The following MBD5 variants were observed in gnomAD, a reference collection of about 807,000 sequenced individuals.
MBD5 encodes methyl-CpG binding domain protein 5.
MBD5 carries 13 observed loss-of-function variants against 117.3 expected under a neutral mutation model. The ratio of observed to expected loss-of-function variants is 0.11; its 90% CI spans 0.07 to 0.18. MBD5 has a LOEUF of 0.18. Ranked by LOEUF, MBD5 falls within the 10% of genes least tolerant of loss-of-function variation. MBD5 has a pLI of 1.00. For missense variants in MBD5, 1,879 were observed against 2,093.8 expected (o/e 0.90, Z 2.00); for synonymous variants, 727 against 766.4 (o/e 0.95, Z 0.85).
chr2:148,349,149 T>C (rs1330756446), intron 4 of MBD5, among the ~76,000 whole-genome samples: 1 of 151,952 alleles, frequency 6.6e-6, no homozygotes, highest in Non-Finnish European at 1.5e-5. Context: ...AAGGTCTCAG[T>C]AGTTAAAAAG....
chr2:148,483,088 GTTTT>G lies in MBD5; in HGVS notation c.2519-12_2519-9del. On this transcript the variant is annotated intron_variant, in intron 8 of 13. Coordinates refer to ENST00000642680, the MANE Select transcript of MBD5 (RefSeq NM_001378120.1). ...TTCATGATTAATAACTGGGTTTTGT[GTTTT>G]TTTTTTTTTCATTTTAGGCGGTTCA... The G allele has an allele frequency of 7.5e-7, 1 of 1,340,460 alleles. No individual in the cohort carries two copies. The highest frequency in any genetic ancestry group is 1.0e-6 in the Non-Finnish European group (1 of 973,880). 83.0% of individuals were successfully genotyped at this position (1,340,460 alleles called of 1,614,324 possible).
intron 4 of MBD5, among the ~76,000 whole-genome samples, chr2:148,402,869 T>A (rs1194951041): frequency 6.6e-6 from 1 of 152,144 alleles, no homozygotes; most frequent in African/African-American, 2.4e-5. Flanking sequence ...TTGTTTTTTT[T>A]TTCTCTTAAG....
At chr2:148,464,762 G>A (rs1185488346) in intron 7 of MBD5, among the ~76,000 whole-genome samples, 1 of 147,782 alleles carries the variant, frequency 6.8e-6, no homozygotes, top group Admixed American at 6.8e-5. Flanking sequence ...AGTTTGAGAC[G>A]AGCTTAGACA....
chr2:148,196,611 A>G (rs7580733), intron 2 of MBD5, among the ~76,000 whole-genome samples: 46,913 of 152,062 alleles, frequency 0.31, 8,368 homozygotes, highest in East Asian at 0.46. Context: ...CAGCAATAAC[A>G]GTATGACTTA....
intron 1 of MBD5, among the ~76,000 whole-genome samples, chr2:148,122,307 T>C (rs1696788055): frequency 6.6e-6 from 1 of 152,192 alleles, no homozygotes; most frequent in African/African-American, 2.4e-5. Context: ...TATAAAAGTT[T>C]AGAAACAATA....
Position 148,077,082 on chromosome 2 carries a change from A to C in MBD5, c.-925+55398A>C, listed in dbSNP as rs151150528. The stretch of plus-strand genomic sequence containing the variant: ...AAATATTTACTGTCTAATCCTGCAC[A>C]GAAAAAAGTTTGCTGACATCTGTTC... On this transcript the variant is annotated intron_variant, in intron 1 of 13. Transcript: ENST00000642680. 2.1e-4 allele frequency among the ~76,000 whole-genome samples: 32 copies of C among 152,350 alleles called. No individual in the cohort carries two copies. In the East Asian group the frequency reaches 6.0e-3, roughly 28 times the overall value.
chr2:148,207,532 G>A (rs948115394), intron 2 of MBD5, among the ~76,000 whole-genome samples: 3 of 151,894 alleles, frequency 2.0e-5, no homozygotes, highest in Non-Finnish European at 4.4e-5. Flanking sequence ...TGTCCCCTCA[G>A]TCCATAACAG....
At chr2:148,133,800 G>A (rs1198053222) in intron 1 of MBD5, among the ~76,000 whole-genome samples, 3 of 151,950 alleles carry the variant, frequency 2.0e-5, no homozygotes, top group Non-Finnish European at 4.4e-5. Flanking sequence ...TCCAGCCTGG[G>A]CAACAAGAGC....
intron 2 of MBD5, among the ~76,000 whole-genome samples, chr2:148,187,944 A>G (rs1292309676): frequency 6.6e-6 from 1 of 152,248 alleles, no homozygotes; most frequent in Admixed American, 6.5e-5. Context: ...ACTGAAAAAT[A>G]AAAATGAATA....
chr2:148,100,965 T>C (rs1027446426), intron 1 of MBD5, among the ~76,000 whole-genome samples: 2 of 152,176 alleles, frequency 1.3e-5, no homozygotes, highest in African/African-American at 4.8e-5. Flanking sequence ...ACTTGCACAC[T>C]CCTCATTTCA....
chr2:148,208,025 A>G (rs556392185), intron 2 of MBD5, among the ~76,000 whole-genome samples: 2 of 152,260 alleles, frequency 1.3e-5, no homozygotes, highest in South Asian at 4.1e-4. Context: ...ACTGGACCCA[A>G]ATCCAGTGGG....
intron 8 of MBD5, among the ~76,000 whole-genome samples, chr2:148,473,265 G>C (rs1297339307): frequency 6.6e-6 from 1 of 152,084 alleles, no homozygotes; most frequent in Non-Finnish European, 1.5e-5. Context: ...CCCCTTATTA[G>C]TGAATCACAT....
At chr2:148,408,487 C>A (rs1705148621) in intron 4 of MBD5, among the ~76,000 whole-genome samples, 1 of 152,056 alleles carries the variant, frequency 6.6e-6, no homozygotes, top group Non-Finnish European at 1.5e-5. Context: ...CATTTTGTGT[C>A]ATCAAATAAA....
intron 4 of MBD5, among the ~76,000 whole-genome samples, chr2:148,452,822 A>G (rs1385768027): frequency 6.6e-6 from 1 of 152,156 alleles, no homozygotes; most frequent in African/African-American, 2.4e-5. Flanking sequence ...ATTATCACTC[A>G]GAGATTGTGA....
intron 3 of MBD5, among the ~76,000 whole-genome samples, chr2:148,297,066 G>T (rs1701672472): frequency 6.6e-6 from 1 of 151,652 alleles, no homozygotes; most frequent in Admixed American, 6.6e-5. Context: ...GGTACTTGTA[G>T]TAGAAACGGG....
At chr2:148,087,554 A>G (rs1251587127) in intron 1 of MBD5, among the ~76,000 whole-genome samples, 3 of 152,200 alleles carry the variant, frequency 2.0e-5, no homozygotes, top group African/African-American at 4.8e-5. Flanking sequence ...CTTTGCAGAC[A>G]TTCCCCAGCA....
rs555908086 is a variant in MBD5 at position 148,052,879 on chromosome 2, T to C, written c.-925+31195T>C. Among the ~76,000 whole-genome samples the C allele has an allele frequency of 3.3e-5, 5 of 151,700 alleles. No homozygotes were observed. In the East Asian group the frequency reaches 9.7e-4, roughly 30 times the overall value. On this transcript the variant is annotated intron_variant, in intron 1 of 13. Coordinates refer to ENST00000642680, the MANE Select transcript of MBD5 (RefSeq NM_001378120.1). ...TTTAGAAGAATGTGTATTCTGTCACTTGAGTCCAGGAGGCAGAAGTTGCAA... is the reference window on the plus strand; with the variant it reads ...TTTAGAAGAATGTGTATTCTGTCACCTGAGTCCAGGAGGCAGAAGTTGCAA...
chr2:148,097,372 A>G (rs565398948), intron 1 of MBD5, among the ~76,000 whole-genome samples: 1 of 152,340 alleles, frequency 6.6e-6, no homozygotes, highest in South Asian at 2.1e-4. Flanking sequence ...AGATCCTTGT[A>G]GTCTTATTAG....
intron 1 of MBD5, among the ~76,000 whole-genome samples, chr2:148,059,569 C>T (rs966360450): frequency 8.6e-5 from 13 of 152,038 alleles, no homozygotes; most frequent in Non-Finnish European, 1.3e-4. Flanking sequence ...CGAAGGAGGC[C>T]GGGCGCGGTG....
Sources: gnomAD v4.1 joint callset for allele counts (sites outside exome capture counted in the v4.1 genomes callset) on GRCh38, gnomAD v4.1.1 for gene constraint, MANE v1.5 for transcripts, NCBI Gene and HGNC (gene_info 2026-07-23, HGNC 2026-07-21) for gene names.